FGF13: variants seen among roughly 807,000 people sequenced by gnomAD.
FGF13 encodes fibroblast growth factor 13, also known as fibroblast growth factor homologous factor 2.
In FGF13, 2 loss-of-function variants were observed where a neutral mutation model predicts 19.5. The ratio of observed to expected loss-of-function variants is 0.10; its 90% CI spans 0.04 to 0.32. The LOEUF is 0.32. Ranked by LOEUF, FGF13 falls within the 10% of genes least tolerant of loss-of-function variation. The pLI, the probability that FGF13 is intolerant of heterozygous loss-of-function variation, is 1.00. For synonymous variants in FGF13, 72 were observed against 76.9 expected, an observed-to-expected ratio of 0.94 and a Z score of 0.33; for missense variants, 113 against 192.7, an observed-to-expected ratio of 0.59 and a Z score of 2.45.
At chrX:138,881,374 A>C (rs1488932799) in intron 1 of FGF13, among the ~76,000 whole-genome samples, 1 of 111,958 alleles carries the variant, frequency 8.9e-6, no homozygotes, top group African/African-American at 3.2e-5. Flanking sequence ...TGCAAAAAAA[A>C]CAGTTTTATT....
At chrX:139,175,350 G>A (rs1198427815) in intron 1 of FGF13, among the ~76,000 whole-genome samples, 1 of 112,264 alleles carries the variant, frequency 8.9e-6, no homozygotes, top group African/African-American at 3.2e-5. Flanking sequence ...TCTGCATACA[G>A]AGACAATTTG....
At chrX:139,099,464 T>A (rs182157604) in intron 1 of FGF13, among the ~76,000 whole-genome samples, 23 of 109,346 alleles carry the variant, frequency 2.1e-4, no homozygotes, top group Non-Finnish European at 3.4e-4. Context: ...GGACAGTTGT[T>A]AGAGTACTGA....
intron 3 of FGF13, among the ~76,000 whole-genome samples, chrX:138,789,918 G>A (rs1009431431): frequency 2.9e-5 from 3 of 105,015 alleles, no homozygotes; most frequent in East Asian, 3.1e-4. Context: ...AGTGGCAGGC[G>A]CCTGTAGTCT....
At chrX:138,901,717 A>G in intron 1 of FGF13, among the ~76,000 whole-genome samples, 1 of 111,831 alleles carries the variant, frequency 8.9e-6, no homozygotes. Flanking sequence ...ATCTCCATCC[A>G]GCTAACCCAT....
chrX:138,703,160 A>G, intron 2 of FGF13, 73 bp from the exon 3 acceptor site: 1 of 799,938 alleles, frequency 1.3e-6, no homozygotes, highest in South Asian at 2.2e-5. Flanking sequence ...TTCCAGCAGG[A>G]CTGCCTGGTC....
intron 1 of FGF13, among the ~76,000 whole-genome samples, chrX:138,918,227 C>G (rs2091628277): frequency 9.0e-6 from 1 of 110,512 alleles, no homozygotes; most frequent in Non-Finnish European, 1.9e-5. Flanking sequence ...CAGCTCTTGG[C>G]TTTTGACACT....
At chrX:138,967,635 T>A (rs1052158149) in intron 1 of FGF13, among the ~76,000 whole-genome samples, 3 of 111,103 alleles carry the variant, frequency 2.7e-5, no homozygotes, top group Non-Finnish European at 3.8e-5. Context: ...TCAACATCCA[T>A]GACATCTGGG....
At chrX:138,702,878 TCTC>T (rs1269116522) in intron 3 of FGF13, 103 bp downstream of exon 3, 10 of 511,676 alleles carry the variant, frequency 2.0e-5, no homozygotes, top group South Asian at 6.7e-5. Flanking sequence ...TCAACATTCT[TCTC>T]CTCATCACAG....
At chrX:138,933,218 T>C (rs1365384258) in intron 1 of FGF13, among the ~76,000 whole-genome samples, 1 of 111,972 alleles carries the variant, frequency 8.9e-6, no homozygotes, top group Admixed American at 9.5e-5. Flanking sequence ...GTCATAGTCA[T>C]CCTTAGGTTT....
At chrX:138,890,036 C>T in intron 1 of FGF13, among the ~76,000 whole-genome samples, 1 of 109,615 alleles carries the variant, frequency 9.1e-6, no homozygotes, top group Non-Finnish European at 1.9e-5. Context: ...TCAAGCGATT[C>T]TCCTGCCTCG....
intron 1 of FGF13, among the ~76,000 whole-genome samples, chrX:138,891,513 T>G (rs2040786580): frequency 9.0e-6 from 1 of 110,897 alleles, no homozygotes; most frequent in South Asian, 3.9e-4. Flanking sequence ...CCTAATTACC[T>G]CCCAAAGGCC....
intron 3 of FGF13, among the ~76,000 whole-genome samples, chrX:138,773,828 C>T (rs2090566678): frequency 8.9e-6 from 1 of 112,376 alleles, no homozygotes; most frequent in South Asian, 3.7e-4. Context: ...GCCAGCAATG[C>T]AGCATGCCTT....
intron 1 of FGF13, among the ~76,000 whole-genome samples, chrX:138,735,131 A>G (rs1200267340): frequency 1.8e-5 from 2 of 112,310 alleles, no homozygotes; most frequent in African/African-American, 3.2e-5. Flanking sequence ...AGATTTTATC[A>G]TATTAGCTAG....
chrX:138,813,957 G>A (rs1429235563), intron 3 of FGF13, among the ~76,000 whole-genome samples: 1 of 110,713 alleles, frequency 9.0e-6, no homozygotes, highest in Non-Finnish European at 1.9e-5. Flanking sequence ...GAGAAAATTT[G>A]TTCTTCTCTG....
intron 3 of FGF13, among the ~76,000 whole-genome samples, chrX:138,691,070 T>G (rs1569365218): frequency 9.0e-6 from 1 of 111,156 alleles, no homozygotes; most frequent in Admixed American, 9.6e-5. Context: ...CCTGGGAGAT[T>G]AGATGTGTGA....
chrX:138,977,912 C>T (rs748487544), intron 1 of FGF13, among the ~76,000 whole-genome samples: 68 of 112,015 alleles, frequency 6.1e-4, no homozygotes, highest in Non-Finnish European at 1.1e-3. Flanking sequence ...AACTATATGT[C>T]GTCATATAAA....
At chrX:138,822,990 T>A (rs1331941618) in intron 3 of FGF13, among the ~76,000 whole-genome samples, 4 of 111,092 alleles carry the variant, frequency 3.6e-5, no homozygotes, top group Non-Finnish European at 7.5e-5. Flanking sequence ...AGTGTGGAGA[T>A]GAGGAAAGTG....
intron 1 of FGF13, among the ~76,000 whole-genome samples, chrX:139,120,811 C>T (rs1345801210): frequency 1.8e-5 from 2 of 112,936 alleles, no homozygotes; most frequent in Non-Finnish European, 3.7e-5. Context: ...AGCCAGAGGA[C>T]TTAAGTCCCT....
intron 3 of FGF13, among the ~76,000 whole-genome samples, chrX:138,825,793 C>T (rs2091030496): frequency 8.9e-6 from 1 of 111,932 alleles, no homozygotes; most frequent in Non-Finnish European, 1.9e-5. Flanking sequence ...TGAAGATAAG[C>T]TGATAGTTTT....
Sources: gnomAD v4.1 joint callset for allele counts (sites outside exome capture counted in the v4.1 genomes callset) on GRCh38, gnomAD v4.1.1 for gene constraint, MANE v1.5 for transcripts, NCBI Gene and HGNC (gene_info 2026-07-23, HGNC 2026-07-21) for gene names.